Variants in MARCHF3 observed in about 807,000 individuals in gnomAD.
MARCHF3 encodes membrane associated ring-CH-type finger 3, also known as E3 ubiquitin-protein ligase MARCHF3.
A neutral mutation model predicts 24.2 loss-of-function variants in MARCHF3; 13 were observed. That is an observed-to-expected ratio of 0.54 (90% CI 0.35 to 0.85). The LOEUF (loss-of-function observed/expected upper bound fraction) is 0.85, where lower values mean the gene tolerates loss of function less well. MARCHF3 is among the 40% of genes least tolerant of loss of function. The pLI, the probability that MARCHF3 is intolerant of heterozygous loss-of-function variation, is 0.01. For missense variants in MARCHF3, 276 were observed against 325.0 expected, an observed-to-expected ratio of 0.85 and a Z score of 1.16; for synonymous variants, 144 against 137.3, an observed-to-expected ratio of 1.05 and a Z score of -0.34.
intron 1 of MARCHF3, among the ~76,000 whole-genome samples, chr5:127,017,121 G>T (rs1158075213): frequency 6.6e-6 from 1 of 152,128 alleles, no homozygotes; most frequent in African/African-American, 2.4e-5. Context: ...TCAGGTGGTG[G>T]GGGGCTGGGG....
intron 1 of MARCHF3, among the ~76,000 whole-genome samples, chr5:126,944,848 T>C (rs573615825): frequency 6.6e-6 from 1 of 152,262 alleles, no homozygotes; most frequent in East Asian, 1.9e-4. Flanking sequence ...TATGAGGAGG[T>C]ATTTTATATC....
At chr5:126,903,372 CTA>C (rs975444437) in intron 3 of MARCHF3, among the ~76,000 whole-genome samples, 1 of 152,056 alleles carries the variant, frequency 6.6e-6, no homozygotes, top group African/African-American at 2.4e-5. Context: ...TTATGACATG[CTA>C]TGATACTAGT....
chr5:127,007,423 A>G (rs1380107280), intron 1 of MARCHF3, among the ~76,000 whole-genome samples: 2 of 151,678 alleles, frequency 1.3e-5, no homozygotes, highest in East Asian at 3.9e-4. Context: ...TCTTATGTAA[A>G]TTTAAACATT....
intron 1 of MARCHF3, among the ~76,000 whole-genome samples, chr5:127,016,450 G>A (rs1010982832): frequency 6.6e-6 from 1 of 152,000 alleles, no homozygotes; most frequent in African/African-American, 2.4e-5. Flanking sequence ...GTGGGCAAAG[G>A]ATATGAACAG....
chr5:126,875,546 C>T (rs1483834801), intron 4 of MARCHF3, among the ~76,000 whole-genome samples: 1 of 152,256 alleles, frequency 6.6e-6, no homozygotes, highest in Admixed American at 6.5e-5. Context: ...GGGCAGTTTC[C>T]AAGTGCTGTC....
chr5:126,951,089 T>G (rs1750214876), intron 1 of MARCHF3, among the ~76,000 whole-genome samples: 1 of 152,220 alleles, frequency 6.6e-6, no homozygotes, highest in Non-Finnish European at 1.5e-5. Flanking sequence ...AGTTCGCTAG[T>G]TATTCCATGT....
intron 1 of MARCHF3, among the ~76,000 whole-genome samples, chr5:126,969,794 G>C (rs1750938026): frequency 6.6e-6 from 1 of 152,150 alleles, no homozygotes; most frequent in African/African-American, 2.4e-5. Context: ...AGGAGGCTGG[G>C]GTGGGGCCAT....
intron 1 of MARCHF3, among the ~76,000 whole-genome samples, chr5:127,014,433 G>A (rs1580489207): frequency 6.6e-6 from 1 of 152,080 alleles, no homozygotes; most frequent in Admixed American, 6.6e-5. Context: ...ACTACTGTAC[G>A]ATCCAGCAAT....
At chr5:126,962,858 T>C (rs925197335) in intron 1 of MARCHF3, among the ~76,000 whole-genome samples, 1 of 151,540 alleles carries the variant, frequency 6.6e-6, no homozygotes, top group African/African-American at 2.4e-5. Flanking sequence ...TGTGTGTGTG[T>C]ATAACTATAT....
intron 1 of MARCHF3, among the ~76,000 whole-genome samples, chr5:127,013,624 C>T (rs1435203232): frequency 6.6e-6 from 1 of 152,104 alleles, no homozygotes; most frequent in African/African-American, 2.4e-5. Context: ...ACATCCTCTT[C>T]CTTTCTTTTT....
rs1455069098 is a variant in MARCHF3, at chr5:126,869,957, T to G, written c.*676A>C. On this transcript the variant is annotated 3_prime_UTR_variant, in exon 5 of 5. Transcript: ENST00000308660. ...GGAGCGAGCTTCTCACCATATTTTT[T>G]TTTCTCCTTAATGATATTTAAATAA... The G allele has an allele frequency of 6.6e-6, 1 of 152,462 alleles. No homozygotes were observed. Among genetic ancestry groups the G allele is most frequent in the Non-Finnish European group, 1.5e-5 (1 of 68,018 alleles). The allele number at this position is 152,462 out of a possible 1,614,324, so 9.4% of individuals were successfully genotyped here. A position where few individuals can be genotyped will look rare whatever the true frequency, so the allele number is the denominator to read the frequency against.
chr5:126,892,597 A>G (rs941836434), intron 3 of MARCHF3, among the ~76,000 whole-genome samples: 5 of 149,486 alleles, frequency 3.3e-5, no homozygotes, highest in Admixed American at 6.6e-5. Context: ...ACATTTATTG[A>G]TTTGCGTATA....
rs542815696 is a variant in MARCHF3 at position 126,929,590 on chromosome 5, A to G, written c.-56-11363T>C. 3.3e-5 allele frequency among the ~76,000 whole-genome samples: 5 copies of G among 152,364 alleles called. No homozygotes were observed. In the East Asian group the frequency reaches 9.6e-4, roughly 29 times the overall value. ...ATATGATTTACACAAAAAAGTCATG[A>G]GCACTGCTTAATTCTTTCCTATGAT... On this transcript the variant is annotated intron_variant, in intron 1 of 4. Coordinates refer to ENST00000308660, the MANE Select transcript of MARCHF3 (RefSeq NM_178450.5).
At chr5:126,914,674 T>C in intron 3 of MARCHF3, 1 of 562,058 alleles carries the variant, frequency 1.8e-6, no homozygotes, top group Non-Finnish European at 3.2e-6. Flanking sequence ...CTCCTTATAC[T>C]AATTTATTCT....
chr5:126,986,643 C>T (rs984557008), intron 1 of MARCHF3, among the ~76,000 whole-genome samples: 1 of 152,156 alleles, frequency 6.6e-6, no homozygotes, highest in Non-Finnish European at 1.5e-5. Flanking sequence ...AAAATGAACA[C>T]TGATGAAACT....
chr5:126,892,984 T>A, intron 3 of MARCHF3, among the ~76,000 whole-genome samples: 1 of 151,832 alleles, frequency 6.6e-6, no homozygotes, highest in East Asian at 1.9e-4. Context: ...ATTGGTCTAT[T>A]CAGAGATTCA....
chr5:126,905,677 CT>C (rs1268404768), intron 3 of MARCHF3, among the ~76,000 whole-genome samples: 2 of 151,964 alleles, frequency 1.3e-5, no homozygotes, highest in African/African-American at 2.4e-5. Context: ...TATCCTGAGA[CT>C]TTGCTGAAGT....
chr5:126,993,898 A>G (rs1267330918), intron 1 of MARCHF3, among the ~76,000 whole-genome samples: 1 of 152,198 alleles, frequency 6.6e-6, no homozygotes, highest in Non-Finnish European at 1.5e-5. Flanking sequence ...TAGACCTTTA[A>G]GTTCTTGTGA....
intron 1 of MARCHF3, among the ~76,000 whole-genome samples, chr5:127,012,003 T>C (rs905484864): frequency 2.5e-4 from 38 of 152,220 alleles, no homozygotes; most frequent in African/African-American, 8.7e-4. Context: ...TCAGCCCTGT[T>C]GAGTCCTTCC....
Sources: gnomAD v4.1 joint callset for allele counts (sites outside exome capture counted in the v4.1 genomes callset) on GRCh38, gnomAD v4.1.1 for gene constraint, MANE v1.5 for transcripts, NCBI Gene and HGNC (gene_info 2026-07-23, HGNC 2026-07-21) for gene names.